The following MYO3B variants were observed in gnomAD, a reference collection of about 807,000 sequenced individuals.
MYO3B encodes the protein myosin-IIIb.
Under a neutral mutation model 174.6 loss-of-function variants are expected in MYO3B, and 156 were observed. The observed-to-expected ratio is 0.89, with a 90% CI of 0.78 to 1.02. The LOEUF (loss-of-function observed/expected upper bound fraction) is 1.02. Among genes scored for constraint, MYO3B ranks in the 50% least tolerant of loss-of-function variants. MYO3B has a pLI of 0.00. For synonymous variants in MYO3B, 563 were observed against 569.1 expected, an observed-to-expected ratio of 0.99 and a Z score of 0.15; for missense variants, 1,632 against 1,639.4, an observed-to-expected ratio of 1.00 and a Z score of 0.08.
intron 9 of MYO3B, among the ~76,000 whole-genome samples, chr2:170,375,591 C>A (rs2094286213): frequency 6.6e-6 from 1 of 151,626 alleles, no homozygotes; most frequent in Non-Finnish European, 1.5e-5. Flanking sequence ...ACAATGACTT[C>A]AGCTTTTGAT....
chr2:170,644,830 A>G (rs1698242854), intron 32 of MYO3B, among the ~76,000 whole-genome samples: 1 of 152,230 alleles, frequency 6.6e-6, no homozygotes, highest in Admixed American at 6.5e-5. Context: ...CTGAAATGCT[A>G]TCCAGATTTC....
chr2:170,236,716 CT>C (rs2093075021), intron 7 of MYO3B, among the ~76,000 whole-genome samples: 1 of 152,118 alleles, frequency 6.6e-6, no homozygotes, highest in Admixed American at 6.5e-5. Flanking sequence ...GTTGGGTTGC[CT>C]TTCATTGGAA....
chr2:170,229,572 T>C (rs1471776217), intron 6 of MYO3B, among the ~76,000 whole-genome samples: 4 of 152,216 alleles, frequency 2.6e-5, no homozygotes, highest in Admixed American at 6.5e-5. Flanking sequence ...AATTATTTCT[T>C]ATGACAGCAA....
rs4668260 is a variant in MYO3B, at chr2:170,449,717, C to T, written c.2730+5671C>T. 4.8e-3 allele frequency among the ~76,000 whole-genome samples: 720 copies of T among 151,424 alleles called. 14 individuals are homozygous for T. The highest frequency in any genetic ancestry group is 0.041 in the Admixed American group (629 of 15,204). On this transcript the variant is annotated intron_variant, in intron 23 of 34. Transcript: ENST00000408978. ...GCTTGAACCCAGGAGGCAGAGGCTG[C>T]GGTGAGCTGAGATCGCGCCGTTGCA... is the stretch of plus-strand genomic sequence containing the variant.
At chr2:170,191,786 C>T (rs1266185138) in intron 1 of MYO3B, among the ~76,000 whole-genome samples, 3 of 152,104 alleles carry the variant, frequency 2.0e-5, no homozygotes, top group Non-Finnish European at 2.9e-5. Context: ...AAGTTAAAAC[C>T]AGATATTGTT....
chr2:170,463,150 T>C (rs1456119923), intron 23 of MYO3B, among the ~76,000 whole-genome samples: 2 of 152,254 alleles, frequency 1.3e-5, no homozygotes, highest in Non-Finnish European at 2.9e-5. Flanking sequence ...TGAAACCACA[T>C]GGTATTTTAT....
intron 32 of MYO3B, among the ~76,000 whole-genome samples, chr2:170,556,472 C>T (rs1691300209): frequency 6.6e-6 from 1 of 152,072 alleles, no homozygotes; most frequent in African/African-American, 2.4e-5. Context: ...GTGAGAGTTC[C>T]TGTTGCTCTG....
At chr2:170,293,324 T>C (rs192194566) in intron 7 of MYO3B, among the ~76,000 whole-genome samples, 1 of 152,322 alleles carries the variant, frequency 6.6e-6, no homozygotes, top group Admixed American at 6.5e-5. Context: ...GGATACTTAC[T>C]TTTTGTTACT....
chr2:170,267,532 T>C (rs2093393562), intron 7 of MYO3B, among the ~76,000 whole-genome samples: 1 of 152,194 alleles, frequency 6.6e-6, no homozygotes, highest in South Asian at 2.1e-4. Flanking sequence ...TTGTATCTGT[T>C]TTTACCATAG....
intron 30 of MYO3B, among the ~76,000 whole-genome samples, chr2:170,531,524 G>A (rs1689353428): frequency 6.6e-6 from 1 of 152,064 alleles, no homozygotes; most frequent in South Asian, 2.1e-4. Flanking sequence ...AGTTAAATGA[G>A]GTAACATATA....
chr2:170,466,012 G>A (rs1436725406), intron 24 of MYO3B, among the ~76,000 whole-genome samples: 2 of 152,020 alleles, frequency 1.3e-5, no homozygotes, highest in African/African-American at 4.8e-5. Context: ...CTTCTTTTTG[G>A]TACTTCTCTC....
chr2:170,599,072 A>G (rs1392526316), intron 32 of MYO3B, among the ~76,000 whole-genome samples: 1 of 152,194 alleles, frequency 6.6e-6, no homozygotes, highest in Non-Finnish European at 1.5e-5. Flanking sequence ...TATGGCTTGA[A>G]AAATAGCTTT....
chr2:170,653,032 C>T lies in MYO3B; in HGVS notation c.3937C>T (p.Pro1313Ser). The part of the protein sequence containing the change: ...GEDEYYKSLS[P>S]VDCIPEENNS... ...AGATGAATATTACAAATCTCTGTCA[C>T]CAGTGGACTGTATCCCTGAGGAGAA... The change falls in exon 35 of 35, where the codon CCA (proline) becomes TCA (serine). Residue 1313 changes from proline to serine, a missense_variant. By Grantham distance (74) the Pro-to-Ser change is moderately conservative (BLOSUM62 -1). Coordinates refer to ENST00000408978, the MANE Select transcript of MYO3B (RefSeq NM_138995.5). 6 of 1,614,128 alleles carry T rather than the reference C, an allele frequency of 3.7e-6. No individual in the cohort carries two copies. The highest frequency in any genetic ancestry group is 1.3e-5 in the African/African-American group (1 of 75,048).
chr2:170,334,768 C>G (rs2093935661), intron 7 of MYO3B: 1 of 151,978 alleles, frequency 6.6e-6, no homozygotes, highest in Non-Finnish European at 1.5e-5. Context: ...CTGCCATTCT[C>G]TCATTCTCTC....
Position 170,310,206 on chromosome 2 carries a change from C to T in MYO3B, c.750-25179C>T, listed in dbSNP as rs183097616. Among the ~76,000 whole-genome samples the T allele has an allele frequency of 1.1e-4, 17 of 152,298 alleles. No individual in the cohort carries two copies. The East Asian group carries it at 3.1e-3, about 28-fold the overall frequency. On this transcript the variant is annotated intron_variant, in intron 7 of 34. Coordinates refer to ENST00000408978, the MANE Select transcript of MYO3B (RefSeq NM_138995.5). The stretch of plus-strand genomic sequence containing the variant: ...TGAGCTCTCGACGAAAAGCGTCAAA[C>T]TCTGTAAAATATTTGAAGAGATTTA...
intron 7 of MYO3B, among the ~76,000 whole-genome samples, chr2:170,308,827 C>T (rs888427561): frequency 8.6e-5 from 13 of 152,040 alleles, no homozygotes; most frequent in African/African-American, 3.1e-4. Context: ...TGGAAAAATG[C>T]CTGTTCCTTT....
intron 22 of MYO3B, among the ~76,000 whole-genome samples, chr2:170,430,010 G>GT (rs67405522): frequency 0.092 from 13,100 of 142,054 alleles, 622 homozygotes; most frequent in Non-Finnish European, 0.11. Flanking sequence ...TTATACACAG[G>GT]TTTTTTTTTT....
chr2:170,276,976 T>C (rs780153198), intron 7 of MYO3B, among the ~76,000 whole-genome samples: 1 of 152,216 alleles, frequency 6.6e-6, no homozygotes, highest in Non-Finnish European at 1.5e-5. Context: ...AAATTGTTAT[T>C]ATTCAAAACC....
At chr2:170,562,340 G>C (rs1487272682) in intron 32 of MYO3B, among the ~76,000 whole-genome samples, 2 of 152,168 alleles carry the variant, frequency 1.3e-5, no homozygotes, top group Non-Finnish European at 2.9e-5. Context: ...GATTTTAAAA[G>C]AGTAATGATA....
Sources: allele counts gnomAD v4.1 joint callset (sites outside exome capture counted in the v4.1 genomes callset), GRCh38; gene constraint gnomAD v4.1.1; transcripts MANE v1.5; gene names NCBI Gene and HGNC (gene_info 2026-07-23, HGNC 2026-07-21).